SENP6: variants seen among roughly 807,000 people sequenced by gnomAD.
SENP6 encodes the protein SUMO specific peptidase 6.
Under a neutral mutation model 134.5 loss-of-function variants are expected in SENP6, and 41 were observed. That is an observed-to-expected ratio of 0.30 (90% CI 0.24 to 0.40). The LOEUF is 0.40. Among genes scored for constraint, SENP6 ranks in the 10% least tolerant of loss-of-function variants. SENP6 has a pLI of 1.00. For missense variants in SENP6, 1,248 were observed against 1,312.5 expected (o/e 0.95, Z 0.76); for synonymous variants, 395 against 429.8 (o/e 0.92, Z 1.00).
chr6:75,613,483 TAAAAA>T (rs199819742), intron 1 of SENP6, among the ~76,000 whole-genome samples: 1 of 149,368 alleles, frequency 6.7e-6, no homozygotes, highest in Non-Finnish European at 1.5e-5. Flanking sequence ...GAAACAAACT[TAAAAA>T]AAAAAGTTCT....
rs111905505 is a variant in SENP6, at chr6:75,660,679, C to G, written c.696+1272C>G. Reference sequence around the variant, plus strand: ...ATGGAGTCTTGCTCTGTCACCCAGGCTGGAGTTGAGTGGAGCGATCTCGGC... The same window carrying G: ...ATGGAGTCTTGCTCTGTCACCCAGGGTGGAGTTGAGTGGAGCGATCTCGGC... On this transcript the variant is annotated intron_variant, in intron 8 of 23. Coordinates refer to ENST00000447266, the MANE Select transcript of SENP6 (RefSeq NM_015571.4). 9.4e-3 allele frequency among the ~76,000 whole-genome samples: 1,432 copies of G among 152,052 alleles called. 23 individuals carry two copies. Among genetic ancestry groups the G allele is most frequent in the African/African-American group, 0.033 (1,371 of 41,466 alleles).
At chr6:75,672,921 G>A (rs1772792673) in intron 11 of SENP6, among the ~76,000 whole-genome samples, 1 of 152,052 alleles carries the variant, frequency 6.6e-6, no homozygotes, top group Admixed American at 6.6e-5. Flanking sequence ...TCCGCCTCCT[G>A]GGTTCATGCC....
In SENP6 at chr6:75,705,652, A is replaced by G. The variant is rs72654745; in HGVS notation, c.2716+2580A>G. On this transcript the variant is annotated intron_variant, in intron 19 of 23. Coordinates refer to ENST00000447266, the MANE Select transcript of SENP6 (RefSeq NM_015571.4). ...ATTTCCTCTCCAACCTACAAGTAAAATAATCCTCTCCATAAAAACCCATAA... is the reference window on the plus strand; with the variant it reads ...ATTTCCTCTCCAACCTACAAGTAAAGTAATCCTCTCCATAAAAACCCATAA... Among the ~76,000 whole-genome samples, 1,610 of 152,216 alleles carry G rather than the reference A, an allele frequency of 0.011. 61 individuals are homozygous for G. The East Asian group carries it at 0.14, about 13-fold the overall frequency.
At chr6:75,645,141 A>T (rs1770335079) in intron 6 of SENP6, among the ~76,000 whole-genome samples, 1 of 152,202 alleles carries the variant, frequency 6.6e-6, no homozygotes, top group Non-Finnish European at 1.5e-5. Flanking sequence ...CCTAAGAAGC[A>T]AAAATGCTAC....
intron 8 of SENP6, among the ~76,000 whole-genome samples, chr6:75,660,300 C>A (rs1771672670): frequency 6.6e-6 from 1 of 152,140 alleles, no homozygotes; most frequent in African/African-American, 2.4e-5. Flanking sequence ...TTAAGATGTT[C>A]TAGATTTCTT....
Position 75,640,597 on chromosome 6 carries a change from C to G in SENP6, c.459-87C>G, listed in dbSNP as rs143321532. ...CAAGTTGATCACAGTATAATTTTGC[C>G]TTAATGACTATAGTTACTGCAACTA... On this transcript the variant is annotated intron_variant, in intron 5 of 23. Coordinates refer to ENST00000447266, the MANE Select transcript of SENP6 (RefSeq NM_015571.4). 639 of 711,354 alleles carry G rather than the reference C, an allele frequency of 9.0e-4. 4 individuals carry two copies. In the African/African-American group the frequency reaches 0.011, roughly 12 times the overall value. 44.1% of individuals were successfully genotyped at this position (711,354 alleles called of 1,614,324 possible).
intron 8 of SENP6, among the ~76,000 whole-genome samples, chr6:75,660,793 G>A (rs1467836890): frequency 6.6e-6 from 1 of 151,970 alleles, no homozygotes; most frequent in East Asian, 1.9e-4. Flanking sequence ...CACCATACCC[G>A]GCTTATTTTT....
At chr6:75,635,776 T>A (rs143522761) in intron 5 of SENP6, among the ~76,000 whole-genome samples, 7 of 152,144 alleles carry the variant, frequency 4.6e-5, no homozygotes, top group African/African-American at 1.4e-4. Flanking sequence ...AACATGAGAA[T>A]AAACAATAAA....
intron 1 of SENP6, among the ~76,000 whole-genome samples, chr6:75,619,023 T>C (rs1437188835): frequency 2.0e-5 from 3 of 152,018 alleles, no homozygotes; most frequent in African/African-American, 7.2e-5. Context: ...TCAGGCTTTT[T>C]TTTTTTTCCT....
intron 7 of SENP6, 114 bp downstream of exon 7, chr6:75,647,915 A>T: frequency 1.5e-6 from 1 of 661,214 alleles, no homozygotes; most frequent in Non-Finnish European, 2.4e-6. Flanking sequence ...ATATATATGT[A>T]GAAAACCATT....
intron 7 of SENP6, among the ~76,000 whole-genome samples, chr6:75,649,423 C>T (rs553748948): frequency 6.6e-6 from 1 of 152,284 alleles, no homozygotes; most frequent in South Asian, 2.1e-4. Flanking sequence ...AAAGTTTATT[C>T]AACAGCATTC....
intron 16 of SENP6, among the ~76,000 whole-genome samples, chr6:75,686,257 C>T (rs1286591075): frequency 6.6e-6 from 1 of 152,162 alleles, no homozygotes; most frequent in East Asian, 1.9e-4. Flanking sequence ...GGTAGATCTT[C>T]CTCCATCCCT....
intron 14 of SENP6, chr6:75,677,656 T>C (rs1486831825): frequency 6.4e-6 from 1 of 157,312 alleles, no homozygotes; most frequent in Non-Finnish European, 1.4e-5. Flanking sequence ...AATATAGGCA[T>C]ATATGGTTGA....
In SENP6 at chr6:75,704,787, C is replaced by T. The variant is rs143907517; in HGVS notation, c.2716+1715C>T. On this transcript the variant is annotated intron_variant, in intron 19 of 23. Coordinates refer to ENST00000447266, the MANE Select transcript of SENP6 (RefSeq NM_015571.4). ...CAGAGGTCCCTGCGGCTTTCTGCAGCGCATTGTGCCCCTGGTTTATCGAGA... is the reference window on the plus strand; with the variant it reads ...CAGAGGTCCCTGCGGCTTTCTGCAGTGCATTGTGCCCCTGGTTTATCGAGA... Among the ~76,000 whole-genome samples, 375 of 152,326 alleles carry T rather than the reference C, an allele frequency of 2.5e-3. 3 individuals are homozygous for T. Among genetic ancestry groups the T allele is most frequent in the African/African-American group, 8.3e-3 (344 of 41,582 alleles).
intron 17 of SENP6, 117 bp from the exon 18 acceptor site, chr6:75,697,308 C>A: frequency 2.9e-6 from 2 of 679,042 alleles, no homozygotes; most frequent in Non-Finnish European, 4.8e-6. Context: ...TTTGTCAAAC[C>A]ATTTTATGCA....
At chr6:75,647,923 A>AT (rs1394727400) in intron 7 of SENP6, 122 bp downstream of exon 7, 18 of 584,370 alleles carry the variant, frequency 3.1e-5, no homozygotes, top group African/African-American at 1.8e-4. Context: ...GTAGAAAACC[A>AT]TTTTTTTGTA....
intron 16 of SENP6, among the ~76,000 whole-genome samples, chr6:75,681,169 A>AGAGG (rs1385165347): frequency 1.3e-5 from 2 of 152,186 alleles, no homozygotes; most frequent in Non-Finnish European, 2.9e-5. Context: ...CAATGTTGGA[A>AGAGG]GAGGGGCCTT....
At chr6:75,618,878 A>G (rs1313032321) in intron 1 of SENP6, among the ~76,000 whole-genome samples, 1 of 151,894 alleles carries the variant, frequency 6.6e-6, no homozygotes, top group African/African-American at 2.4e-5. Context: ...AGGAAGTTTC[A>G]TGTATACTGA....
intron 16 of SENP6, among the ~76,000 whole-genome samples, chr6:75,692,910 A>T (rs1413123051): frequency 6.6e-6 from 1 of 152,090 alleles, no homozygotes; most frequent in South Asian, 2.1e-4. Context: ...CCCCCACCAA[A>T]AAAAAACAAA....
Sources: allele counts gnomAD v4.1 joint callset (sites outside exome capture counted in the v4.1 genomes callset), GRCh38; gene constraint gnomAD v4.1.1; transcripts MANE v1.5; gene names NCBI Gene and HGNC (gene_info 2026-07-23, HGNC 2026-07-21).